Variants in ANKS1B observed in about 807,000 individuals in gnomAD.
ANKS1B encodes the protein ankyrin repeat and sterile alpha motif domain containing 1B.
A neutral mutation model predicts 148.3 loss-of-function variants in ANKS1B; 36 were observed. That is an observed-to-expected ratio of 0.24 (90% confidence interval 0.19 to 0.32). The LOEUF (loss-of-function observed/expected upper bound fraction) is 0.32. Among genes scored for constraint, ANKS1B ranks in the 10% least tolerant of loss-of-function variants. ANKS1B has a pLI of 1.00. For synonymous variants in ANKS1B, 542 were observed against 560.8 expected (o/e 0.97, Z 0.47); for missense variants, 1,157 against 1,542.6 (o/e 0.75, Z 4.19).
chr12:99,306,364 A>T (rs139464018), intron 12 of ANKS1B, among the ~76,000 whole-genome samples: 14 of 152,078 alleles, frequency 9.2e-5, no homozygotes, highest in African/African-American at 3.4e-4. Context: ...CCTAGCAAAG[A>T]CTTTACTAGG....
intron 17 of ANKS1B, among the ~76,000 whole-genome samples, chr12:99,020,758 T>A (rs1419366599): frequency 6.6e-6 from 1 of 152,170 alleles, no homozygotes; most frequent in Non-Finnish European, 1.5e-5. Flanking sequence ...TATAAAGGCA[T>A]CTCATGTAGA....
intron 1 of ANKS1B, among the ~76,000 whole-genome samples, chr12:99,891,419 T>C (rs900502928): frequency 1.3e-5 from 2 of 152,172 alleles, no homozygotes; most frequent in African/African-American, 4.8e-5. Context: ...AGAGTCTTGC[T>C]ATGTTGCCCA....
At chr12:99,854,167 G>A (rs1271774763) in intron 1 of ANKS1B, among the ~76,000 whole-genome samples, 1 of 151,974 alleles carries the variant, frequency 6.6e-6, no homozygotes, top group East Asian at 1.9e-4. Flanking sequence ...GCCCACCACC[G>A]CGCCCAGCTA....
Position 99,640,952 on chromosome 12 carries a change from A to G in ANKS1B, c.1272+14115T>C, listed in dbSNP as rs183571552. On this transcript the variant is annotated intron_variant, in intron 9 of 26. Coordinates refer to ENST00000683438, the MANE Select transcript of ANKS1B (RefSeq NM_001352186.2). ...TAGATCTGCTTGTCATAAATAATTC[A>G]AACAATGTTTAAGTATATAAAGCAG... 2.7e-3 allele frequency among the ~76,000 whole-genome samples: 410 copies of G among 152,296 alleles called. 1 individual carries two copies. The highest frequency in any genetic ancestry group is 4.3e-3 in the Non-Finnish European group (291 of 68,014).
chr12:99,279,881 A>G (rs11109792), intron 12 of ANKS1B, among the ~76,000 whole-genome samples: 7,149 of 152,002 alleles, frequency 0.047, 628 homozygotes, highest in East Asian at 0.31. Context: ...GTGCATGCCT[A>G]TAGTCCCAGC....
chr12:99,714,536 T>A (rs2057050129), intron 8 of ANKS1B, among the ~76,000 whole-genome samples: 1 of 152,190 alleles, frequency 6.6e-6, no homozygotes, highest in Non-Finnish European at 1.5e-5. Flanking sequence ...TATTTCAAGT[T>A]TTTTATTATT....
intron 8 of ANKS1B, among the ~76,000 whole-genome samples, chr12:99,767,394 T>C (rs961118512): frequency 1.3e-5 from 2 of 151,852 alleles, no homozygotes; most frequent in African/African-American, 2.4e-5. Context: ...TAATGTTCTA[T>C]TACAAATGTT....
intron 5 of ANKS1B, among the ~76,000 whole-genome samples, chr12:99,781,622 T>C (rs1302221820): frequency 6.6e-6 from 1 of 152,202 alleles, no homozygotes; most frequent in Non-Finnish European, 1.5e-5. Context: ...CAAATCTCTG[T>C]TTACCGTAGT....
intron 8 of ANKS1B, among the ~76,000 whole-genome samples, chr12:99,739,536 C>A (rs934433581): frequency 6.6e-6 from 1 of 151,954 alleles, no homozygotes. Flanking sequence ...TAATGACAGG[C>A]CTTCGTAGAA....
intron 17 of ANKS1B, among the ~76,000 whole-genome samples, chr12:99,046,817 GA>G (rs1166635437): frequency 5.0e-5 from 1 of 20,064 alleles, no homozygotes; most frequent in Non-Finnish European, 1.6e-4. Flanking sequence ...TAAAAAAAAA[GA>G]AAAAAAAAAG....
At chr12:99,044,391 T>C (rs1461398661) in intron 17 of ANKS1B, among the ~76,000 whole-genome samples, 10 of 149,136 alleles carry the variant, frequency 6.7e-5, no homozygotes, top group Admixed American at 6.6e-4. Context: ...TCTTTCCCTC[T>C]CACATTTACA....
At chr12:99,465,748 C>T (rs925361279) in intron 10 of ANKS1B, among the ~76,000 whole-genome samples, 1 of 152,064 alleles carries the variant, frequency 6.6e-6, no homozygotes, top group Non-Finnish European at 1.5e-5. Context: ...GCTAACTATC[C>T]TAAATATATA....
rs554921531 is a variant in ANKS1B, at chr12:99,103,144, G to A, written c.2527-18121C>T. Among the ~76,000 whole-genome samples the A allele has an allele frequency of 1.3e-3, 200 of 152,128 alleles. 1 individual carries two copies. Among genetic ancestry groups the A allele is most frequent in the African/African-American group, 4.5e-3 (188 of 41,502 alleles). ...GGAAGAGGGAAGCAAGGATGGGTGA[G>A]GTGTAGAATCCTTACTCCTGAAGCC... On this transcript the variant is annotated intron_variant, in intron 15 of 26. Coordinates refer to ENST00000683438, the MANE Select transcript of ANKS1B (RefSeq NM_001352186.2).
chr12:99,312,588 T>C (rs983813436), intron 12 of ANKS1B, among the ~76,000 whole-genome samples: 1 of 152,132 alleles, frequency 6.6e-6, no homozygotes, highest in Admixed American at 6.6e-5. Context: ...TTTCCTATCT[T>C]GTATTAGCAT....
chr12:99,366,564 T>A (rs1260918652), intron 12 of ANKS1B, among the ~76,000 whole-genome samples: 2 of 152,234 alleles, frequency 1.3e-5, no homozygotes, highest in Admixed American at 6.5e-5. Context: ...AGAAATTGGG[T>A]ATATGACAAA....
intron 14 of ANKS1B, among the ~76,000 whole-genome samples, chr12:99,181,703 T>A (rs981202828): frequency 6.6e-6 from 1 of 152,124 alleles, no homozygotes; most frequent in Non-Finnish European, 1.5e-5. Flanking sequence ...ATGGGGTATA[T>A]GAGATTTTTC....
At chr12:99,810,405 A>C (rs1434080904) in intron 3 of ANKS1B, among the ~76,000 whole-genome samples, 1 of 152,008 alleles carries the variant, frequency 6.6e-6, no homozygotes, top group Non-Finnish European at 1.5e-5. Context: ...AGAAGGAAAA[A>C]AGAAAGCTAA....
At chr12:99,729,293 G>C (rs1009207004) in intron 8 of ANKS1B, among the ~76,000 whole-genome samples, 1 of 152,146 alleles carries the variant, frequency 6.6e-6, no homozygotes, top group African/African-American at 2.4e-5. Flanking sequence ...AAAGCTAGTG[G>C]TAAGAAGTCC....
chr12:99,358,122 A>G (rs1365370181), intron 12 of ANKS1B, among the ~76,000 whole-genome samples: 1 of 151,940 alleles, frequency 6.6e-6, no homozygotes, highest in African/African-American at 2.4e-5. Flanking sequence ...TAATTTTTAT[A>G]TAGGTTAACA....
Sources: allele counts gnomAD v4.1 joint callset (sites outside exome capture counted in the v4.1 genomes callset), GRCh38; gene constraint gnomAD v4.1.1; transcripts MANE v1.5; gene names NCBI Gene and HGNC (gene_info 2026-07-23, HGNC 2026-07-21).